Variants in TMEM114 observed in about 807,000 individuals in gnomAD.
TMEM114 encodes the protein claudin-26.
Under a neutral mutation model 6.2 loss-of-function variants are expected in TMEM114, and 6 were observed. That is an observed-to-expected ratio of 0.97 (90% CI 0.53 to 1.91). The LOEUF is 1.91. TMEM114 is among the 40% of genes most tolerant of loss of function. The pLI is 0.01. For synonymous variants in TMEM114, 104 were observed against 73.0 expected, an observed-to-expected ratio of 1.42 and a Z score of -2.16; for missense variants, 218 against 158.3, an observed-to-expected ratio of 1.38 and a Z score of -2.02.
intron 2 of TMEM114, among the ~76,000 whole-genome samples, chr16:8,554,586 C>T (rs1317929685): frequency 1.3e-5 from 2 of 152,124 alleles, no homozygotes; most frequent in African/African-American, 4.8e-5. Flanking sequence ...TCTTTCGCTC[C>T]CCACGGACAG....
At chr16:8,561,136 C>G (rs772715231) in intron 2 of TMEM114, among the ~76,000 whole-genome samples, 14 of 152,174 alleles carry the variant, frequency 9.2e-5, no homozygotes, top group Non-Finnish European at 1.3e-4. Context: ...AACTGCAACT[C>G]AAGATGAGAT....
rs372086701 is a variant in TMEM114 at position 8,579,038 on chromosome 16, G to A, written c.302-6814C>T. ...ATTGTTTCATCAATGGTAAACGTGT[G>A]TGCCCCAGTGCAGAGATATTTTAGA... On this transcript the variant is annotated intron_variant, in intron 2 of 3. Transcript: ENST00000620492. Among the ~76,000 whole-genome samples, 32 of 152,260 alleles carry A rather than the reference G, an allele frequency of 2.1e-4. No homozygotes were observed. The East Asian group carries it at 6.2e-3, about 29-fold the overall frequency.
chr16:8,565,608 C>T (rs72778407), downstream of TMEM114, among the ~76,000 whole-genome samples: 5,054 of 152,280 alleles, frequency 0.033, 133 homozygotes, highest in South Asian at 0.11. Context: ...CTGACCACAC[C>T]TCCACCTGCT....
intron 2 of TMEM114, among the ~76,000 whole-genome samples, chr16:8,550,117 G>C (rs1189316745): frequency 1.3e-5 from 2 of 152,194 alleles, no homozygotes; most frequent in East Asian, 1.9e-4. Flanking sequence ...ATGAAGGCCA[G>C]AAGACTCAGC....
chr16:8,539,247 T>C (rs1317117486), intron 2 of TMEM114, among the ~76,000 whole-genome samples: 2 of 152,144 alleles, frequency 1.3e-5, no homozygotes, highest in Non-Finnish European at 2.9e-5. Flanking sequence ...CCAGCTGATA[T>C]AATCTTGAAT....
At chr16:8,547,345 C>T (rs566303453) in intron 2 of TMEM114, among the ~76,000 whole-genome samples, 3 of 151,952 alleles carry the variant, frequency 2.0e-5, no homozygotes, top group East Asian at 1.9e-4. Context: ...TCCTGAAATG[C>T]ATTCCCATTG....
At chr16:8,534,495 C>G (rs1003201841), downstream of TMEM114, among the ~76,000 whole-genome samples, 19 of 152,298 alleles carry the variant, frequency 1.2e-4, no homozygotes, top group Admixed American at 5.9e-4. Context: ...GGGAGGGTCT[C>G]TCCAATGCAC....
downstream of TMEM114, among the ~76,000 whole-genome samples, chr16:8,533,170 T>C (rs528934343): frequency 3.3e-5 from 5 of 152,234 alleles, no homozygotes; most frequent in Non-Finnish European, 7.4e-5. Flanking sequence ...CAAACAAGTT[T>C]GAATAGTGAT....
intron 2 of TMEM114, among the ~76,000 whole-genome samples, chr16:8,548,621 G>C (rs554723708): frequency 1.3e-5 from 2 of 150,784 alleles, no homozygotes; most frequent in East Asian, 3.9e-4. Flanking sequence ...CAAATTATCT[G>C]AGCAGAGATG....
intron 2 of TMEM114, among the ~76,000 whole-genome samples, chr16:8,552,437 G>C (rs1448652022): frequency 6.6e-6 from 1 of 151,864 alleles, no homozygotes; most frequent in Non-Finnish European, 1.5e-5. Flanking sequence ...CTCCTTTGAG[G>C]TGATTGAAAA....
intron 2 of TMEM114, among the ~76,000 whole-genome samples, chr16:8,555,919 A>G (rs577682323): frequency 9.4e-4 from 143 of 152,308 alleles, no homozygotes; most frequent in African/African-American, 3.3e-3. Context: ...CCTAAGAAGT[A>G]TCTCCAACTG....
intron 2 of TMEM114, among the ~76,000 whole-genome samples, chr16:8,539,368 C>T (rs1900453674): frequency 6.6e-6 from 1 of 152,180 alleles, no homozygotes; most frequent in Non-Finnish European, 1.5e-5. Context: ...CCAAGACCCA[C>T]TTACCCAGAA....
the TMEM114 span, among the ~76,000 whole-genome samples, chr16:8,527,990 C>G: frequency 1.3e-5 from 2 of 152,184 alleles, no homozygotes; most frequent in Non-Finnish European, 2.9e-5. Context: ...TCACTGCAAC[C>G]TCTGCCTCCC....
chr16:8,562,121 T>C (rs373258827), intron 2 of TMEM114, among the ~76,000 whole-genome samples: 8 of 150,816 alleles, frequency 5.3e-5, no homozygotes, highest in African/African-American at 2.0e-4. Context: ...AATAAGTAAG[T>C]GAATGAGTGA....
At chr16:8,559,506 C>T (rs910124076) in intron 2 of TMEM114, among the ~76,000 whole-genome samples, 3 of 152,202 alleles carry the variant, frequency 2.0e-5, no homozygotes, top group African/African-American at 7.2e-5. Flanking sequence ...CCCAGCAATC[C>T]AGTGGGTGCA....
downstream of TMEM114, among the ~76,000 whole-genome samples, chr16:8,535,445 T>A (rs1900327932): frequency 6.6e-6 from 1 of 152,018 alleles, no homozygotes; most frequent in Admixed American, 6.6e-5. Context: ...TGAAAGACAT[T>A]TGAAGGGAAG....
intron 2 of TMEM114, among the ~76,000 whole-genome samples, chr16:8,576,050 C>T (rs1018740811): frequency 1.3e-5 from 2 of 152,114 alleles, no homozygotes; most frequent in Admixed American, 6.5e-5. Context: ...CTTGGAACTC[C>T]GACATCAGAC....
rs192516974 is a variant in TMEM114 at position 8,557,301 on chromosome 16, G to A, written n.213-19475C>T. Among the ~76,000 whole-genome samples the A allele has an allele frequency of 8.2e-3, 1,243 of 152,124 alleles. 29 individuals are homozygous for A. The highest frequency in any genetic ancestry group is 0.048 in the South Asian group (229 of 4,794). On this transcript the variant is annotated intron_variant and non_coding_transcript_variant, in intron 2 of 2. Coordinates refer to the TMEM114 transcript ENST00000623677. ...ATGGGAGCACTAGCCCTGGGCCCAG[G>A]AACTGCCATATAAGCCTCCCAAAAG... is the stretch of plus-strand genomic sequence containing the variant.
the TMEM114 span, among the ~76,000 whole-genome samples, chr16:8,527,963 A>T: frequency 6.6e-6 from 1 of 152,110 alleles, no homozygotes; most frequent in Non-Finnish European, 1.5e-5. Context: ...GCTGGAGTGC[A>T]GTGGTGCGAT....
Sources: gnomAD v4.1 joint callset for allele counts (sites outside exome capture counted in the v4.1 genomes callset) on GRCh38, gnomAD v4.1.1 for gene constraint, MANE v1.5 for transcripts, NCBI Gene and HGNC (gene_info 2026-07-23, HGNC 2026-07-21) for gene names.